ERBIN: variants seen among roughly 807,000 people sequenced by gnomAD.
ERBIN encodes the protein erbb2 interacting protein, also known as densin-180-like protein.
ERBIN carries 60 observed loss-of-function variants against 158.4 expected under a neutral mutation model. That is an observed-to-expected ratio of 0.38 (90% confidence interval 0.31 to 0.47). The LOEUF (loss-of-function observed/expected upper bound fraction) is 0.47. Among genes scored for constraint, ERBIN ranks in the 20% least tolerant of loss-of-function variants. ERBIN has a pLI of 0.99. For synonymous variants in ERBIN, 594 were observed against 557.2 expected (o/e 1.07, Z -0.93); for missense variants, 1,610 against 1,648.0 (o/e 0.98, Z 0.40).
At chr5:65,958,135 A>G (rs1747454471) in intron 1 of ERBIN, among the ~76,000 whole-genome samples, 1 of 142,744 alleles carries the variant, frequency 7.0e-6, no homozygotes, top group Non-Finnish European at 1.5e-5. Context: ...CACTTCCCAG[A>G]CTGGGCAGCC....
At chr5:66,072,369 G>A (rs1038812383) in intron 22 of ERBIN, 78 bp downstream of exon 22, 1 of 1,379,180 alleles carries the variant, frequency 7.3e-7, no homozygotes, top group Non-Finnish European at 9.6e-7. Context: ...TATTATATGT[G>A]CTTTAGATGA....
At chr5:65,973,364 G>A (rs1462428447) in intron 1 of ERBIN, among the ~76,000 whole-genome samples, 6 of 150,498 alleles carry the variant, frequency 4.0e-5, no homozygotes, top group Admixed American at 4.0e-4. Flanking sequence ...TAACAAACTT[G>A]CACGTTGGGC....
At chr5:65,957,074 AGC>A (rs1747228638) in intron 1 of ERBIN, among the ~76,000 whole-genome samples, 1 of 152,164 alleles carries the variant, frequency 6.6e-6, no homozygotes, top group Non-Finnish European at 1.5e-5. Flanking sequence ...ATATTTATTT[AGC>A]ACCCTCTCCC....
At chr5:65,993,629 C>T (rs2151051654) in intron 3 of ERBIN, among the ~76,000 whole-genome samples, 2 of 152,134 alleles carry the variant, frequency 1.3e-5, no homozygotes, top group Non-Finnish European at 2.9e-5. Context: ...TTGTTGGGAT[C>T]TTTTGCCACC....
rs1554065281 is a variant in ERBIN at position 66,051,907 on chromosome 5, A to AAAAAAAAAAAAAAAAAAAG, written c.2087+942_2087+943insAAAAAAAAAAAAAAAAAGA. On this transcript the variant is annotated intron_variant, in intron 20 of 25. Transcript: ENST00000284037. ...TAGGCCTTGTCTCAAAAAAAAAAAA[A>AAAAAAAAAAAAAAAAAAAG]AGAGACAGATTGGGGTTGGCTGGAT... is the stretch of plus-strand genomic sequence containing the variant. Among the ~76,000 whole-genome samples the AAAAAAAAAAAAAAAAAAAG allele has an allele frequency of 2.1e-3, 306 of 148,780 alleles. 6 individuals carry two copies. Among genetic ancestry groups the AAAAAAAAAAAAAAAAAAAG allele is most frequent in the African/African-American group, 7.4e-3 (289 of 39,078 alleles).
chr5:66,010,480 T>A (rs995921439), intron 4 of ERBIN, among the ~76,000 whole-genome samples: 1 of 152,164 alleles, frequency 6.6e-6, no homozygotes, highest in African/African-American at 2.4e-5. Flanking sequence ...AATAATCTTT[T>A]GAGTCTCTAT....
At chr5:65,973,950 T>C (rs911063548) in intron 1 of ERBIN, among the ~76,000 whole-genome samples, 1 of 151,368 alleles carries the variant, frequency 6.6e-6, no homozygotes, top group Non-Finnish European at 1.5e-5. Flanking sequence ...AAAAGTGGGC[T>C]GAGGCCAGGC....
chr5:66,070,678 A>G (rs1219057830), intron 21 of ERBIN, among the ~76,000 whole-genome samples: 1 of 152,248 alleles, frequency 6.6e-6, no homozygotes, highest in African/African-American at 2.4e-5. Flanking sequence ...CTAAAAGCAC[A>G]TCTCAAAAAG....
chr5:65,977,320 C>T lies in ERBIN; in HGVS notation c.-57-11315C>T, dbSNP rs1327843214. On this transcript the variant is annotated intron_variant, in intron 1 of 25. Transcript: ENST00000284037. The stretch of plus-strand genomic sequence containing the variant: ...CTGACCCCCCCACCTCCCTCCCGGA[C>T]GAGGTGGCTGCCGGGCGGAGATGCT... 3.3e-5 allele frequency among the ~76,000 whole-genome samples: 5 copies of T among 149,390 alleles called. No homozygotes were observed. The East Asian group carries it at 8.0e-4, about 24-fold the overall frequency.
chr5:66,012,084 A>G lies in ERBIN; in HGVS notation c.343A>G (p.Lys115Glu). ...GTTTCCAGAAAATATAAAAAATTGT[A>G]AAGTTTTGACAATTGTGGAGGCCAG... ...QEFPENIKNC[K>E]VLTIVEASVN... Residue 115 changes from lysine to glutamate, a missense_variant, in exon 5 of 26, where the codon AAA (lysine) becomes GAA (glutamate). Lys to Glu is a moderately conservative substitution (Grantham distance 56). Around this residue, in one of 2 missense-constraint regions of ERBIN, gnomAD observed 596 missense variants for 711.9 expected, o/e 0.84. Transcript: ENST00000284037. 1 of 1,607,298 alleles carries G rather than the reference A, an allele frequency of 6.2e-7. No homozygotes were observed. The highest frequency in any genetic ancestry group is 2.2e-5 in the East Asian group (1 of 44,702).
chr5:66,006,439 C>G (rs1164211404), intron 4 of ERBIN, among the ~76,000 whole-genome samples: 1 of 152,040 alleles, frequency 6.6e-6, no homozygotes, highest in Non-Finnish European at 1.5e-5. Flanking sequence ...CCATAAAAAC[C>G]CTAGAAGAAA....
intron 1 of ERBIN, among the ~76,000 whole-genome samples, chr5:65,970,651 A>G (rs557519420): frequency 6.6e-6 from 1 of 152,324 alleles, no homozygotes; most frequent in South Asian, 2.1e-4. Context: ...GCAGTCGTGA[A>G]TCATAGCTCA....
intron 2 of ERBIN, 128 bp from the exon 3 acceptor site, chr5:65,992,582 T>C: frequency 1.6e-6 from 1 of 619,886 alleles, no homozygotes; most frequent in East Asian, 3.0e-5. Flanking sequence ...ATGGGTTCCA[T>C]TGTGCTTGTA....
At chr5:66,014,783 T>G in intron 7 of ERBIN, 58 bp downstream of exon 7, 2 of 833,534 alleles carry the variant, frequency 2.4e-6, no homozygotes, top group Non-Finnish European at 3.6e-6. Flanking sequence ...TGATTAAGTC[T>G]TTAAAAATGT....
Position 66,071,405 on chromosome 5 carries a change from A to G in ERBIN, c.3634-764A>G, listed in dbSNP as rs530181426. Among the ~76,000 whole-genome samples, 5 of 152,074 alleles carry G rather than the reference A, an allele frequency of 3.3e-5. No individual in the cohort carries two copies. The South Asian group carries it at 1.0e-3, about 32-fold the overall frequency. ...AGAAAGAAAGAAATATTCAGGGGTA[A>G]TGAGATTGAGTCTTATTTTTCCCCT... On this transcript the variant is annotated intron_variant, in intron 21 of 25. Transcript: ENST00000284037.
chr5:65,933,912 T>A (rs2150846593), intron 1 of ERBIN, among the ~76,000 whole-genome samples: 1 of 152,306 alleles, frequency 6.6e-6, no homozygotes, highest in Admixed American at 6.5e-5. Flanking sequence ...AATATATATT[T>A]TTTTTTATTT....
chr5:66,056,037 A>G (rs930032459), intron 21 of ERBIN, among the ~76,000 whole-genome samples: 1 of 152,124 alleles, frequency 6.6e-6, no homozygotes, highest in Admixed American at 6.6e-5. Flanking sequence ...TGCTTTTTCT[A>G]AGGCACTTGG....
At chr5:66,038,784 T>G (rs563129965) in intron 15 of ERBIN, among the ~76,000 whole-genome samples, 6 of 152,124 alleles carry the variant, frequency 3.9e-5, no homozygotes, top group African/African-American at 1.4e-4. Context: ...TGATAAGAAT[T>G]ATTAAACCAA....
intron 7 of ERBIN, among the ~76,000 whole-genome samples, chr5:66,018,647 T>G (rs528060892): frequency 8.0e-6 from 1 of 124,864 alleles, no homozygotes; most frequent in African/African-American, 2.8e-5. Flanking sequence ...TATTTATTTT[T>G]TGTGTGTGTG....
Sources: allele counts gnomAD v4.1 joint callset (sites outside exome capture counted in the v4.1 genomes callset), GRCh38; gene constraint gnomAD v4.1.1; regional missense constraint gnomAD v4.1.1; transcripts MANE v1.5; gene names NCBI Gene and HGNC (gene_info 2026-07-23, HGNC 2026-07-21).